The following LRCH4 variants were observed in gnomAD, a reference collection of about 807,000 sequenced individuals.
LRCH4 encodes leucine-rich repeat and calponin homology domain-containing protein 4.
LRCH4 carries 56 observed loss-of-function variants against 81.2 expected under a neutral mutation model. The observed-to-expected ratio is 0.69, with a 90% CI of 0.56 to 0.86. The LOEUF (loss-of-function observed/expected upper bound fraction) is 0.86. Among genes scored for constraint, LRCH4 ranks in the 40% least tolerant of loss-of-function variants. The probability of loss-of-function intolerance (pLI) is 0.00; values close to 1 mark genes in which losing one functional copy is unlikely to be tolerated. For missense variants in LRCH4, 895 were observed against 922.8 expected (o/e 0.97, Z 0.39); for synonymous variants, 442 against 409.7 (o/e 1.08, Z -0.95).
chr7:100,577,250 C>T lies in LRCH4; in HGVS notation c.1295+23G>A, dbSNP rs1391745046. The T allele has an allele frequency of 3.1e-6, 5 of 1,603,524 alleles. No individual in the cohort carries two copies. Among genetic ancestry groups the T allele is most frequent in the Non-Finnish European group, 4.2e-6 (5 of 1,178,772 alleles). On this transcript the variant is annotated intron_variant, in intron 11 of 17. Transcript: ENST00000310300. This position sits in a 1 kb window ranked among gnomAD's most constrained non-coding sequence, Gnocchi z 6.7. The stretch of plus-strand genomic sequence containing the variant: ...TCCAGGGCTCAGTGTCCAGCAACAG[C>T]CCCGGGCGGCCCTGGGTCCCACCTA...
intron 4 of LRCH4, among the ~76,000 whole-genome samples, chr7:100,581,255 G>A (rs962129743): frequency 6.6e-6 from 1 of 152,220 alleles, no homozygotes; most frequent in Non-Finnish European, 1.5e-5. Flanking sequence ...AGGGTTGCTA[G>A]GTCAAGATCA....
intron 1 of LRCH4, among the ~76,000 whole-genome samples, chr7:100,584,525 T>G (rs1012629285): frequency 3.4e-5 from 5 of 147,714 alleles, no homozygotes; most frequent in African/African-American, 1.3e-4. Context: ...GAATAACATT[T>G]GGTCTTTGTC....
chr7:100,574,851 GGGCAGGGCC>G lies in LRCH4; in HGVS notation c.*247_*255del, dbSNP rs1428104068. 2.2e-6 allele frequency: 1 copy of G among 453,758 alleles called. No homozygotes were observed. Among genetic ancestry groups the G allele is most frequent in the Non-Finnish European group, 4.0e-6 (1 of 252,640 alleles). The allele number at this position is 453,758 out of a possible 1,614,324, so 28.1% of individuals were successfully genotyped here. On this transcript the variant is annotated 3_prime_UTR_variant, in exon 18 of 18. Transcript: ENST00000310300. ...ACCCCTCACGGGGTACAGAGGGCAGGGGCAGGGCCGGCGGGGACATGAAGGCACCGTCAG... is the reference window on the plus strand; with the variant it reads ...ACCCCTCACGGGGTACAGAGGGCAGGGGCGGGGACATGAAGGCACCGTCAG...
At position 100,575,135 on chromosome 7, in the gene LRCH4, A is replaced by T. The variant is rs776581505; in HGVS notation, c.2024T>A (p.Val675Asp). The stretch of plus-strand genomic sequence containing the variant: ...GGAACCCAGGAGCCGAGTGTAGGTG[A>T]CATAGAGCAGCAGCATGAGGACCAC... ...FYVVLMLLLY[V>D]TYTRLLGS Residue 675 changes from valine (V) to aspartate (D), a missense_variant, in exon 18 of 18, where the codon GTC (valine) becomes GAC (aspartate). Physicochemically the swap from Val to Asp is radical, Grantham distance 152 (BLOSUM62 -3). Coordinates refer to ENST00000310300, the MANE Select transcript of LRCH4 (RefSeq NM_002319.5). The surrounding 1 kb of genome is among the most constrained non-coding windows in gnomAD (Gnocchi z 5.3). 4 of 1,612,710 alleles carry T rather than the reference A, an allele frequency of 2.5e-6. No homozygotes were observed. Among genetic ancestry groups the T allele is most frequent in the Non-Finnish European group, 3.4e-6 (4 of 1,179,292 alleles).
In LRCH4 at chr7:100,575,820, G is replaced by A. The variant is rs1393475875; in HGVS notation, c.1777-38C>T. 5 of 1,608,446 alleles carry A rather than the reference G, an allele frequency of 3.1e-6. No individual in the cohort carries two copies. Among genetic ancestry groups the A allele is most frequent in the East Asian group, 2.2e-5 (1 of 44,774 alleles). ...AAAGAAGAAAATGTGGTAAGGGAGAGGCCACAGGCGCCCCGGCCCATCCCC... is the reference window on the plus strand; with the variant it reads ...AAAGAAGAAAATGTGGTAAGGGAGAAGCCACAGGCGCCCCGGCCCATCCCC... On this transcript the variant is annotated intron_variant, in intron 16 of 17. Transcript: ENST00000310300. The surrounding 1 kb of genome is among the most constrained non-coding windows in gnomAD (Gnocchi z 5.3).
Position 100,574,634 on chromosome 7 carries a change from A to G in LRCH4, c.*473T>C, listed in dbSNP as rs112916968. The G allele has an allele frequency of 1.8e-3, 260 of 145,906 alleles. 1 individual carries two copies. The highest frequency in any genetic ancestry group is 2.4e-3 in the Non-Finnish European group (158 of 66,906). 9.0% of individuals were successfully genotyped at this position (145,906 alleles called of 1,614,324 possible). The stretch of plus-strand genomic sequence containing the variant: ...GCGGAGCAGACGCGCGCGCGCGCGC[A>G]CACACACACACACAGGCAGGGCGGC... On this transcript the variant is annotated 3_prime_UTR_variant, in exon 18 of 18. Coordinates refer to ENST00000310300, the MANE Select transcript of LRCH4 (RefSeq NM_002319.5).
chr7:100,578,576 C>T lies in LRCH4; in HGVS notation c.736-65G>A. On this transcript the variant is annotated intron_variant, in intron 5 of 17. Coordinates refer to ENST00000310300, the MANE Select transcript of LRCH4 (RefSeq NM_002319.5). The surrounding 1 kb of genome is among the most constrained non-coding windows in gnomAD (Gnocchi z 5.7). Reference sequence around the variant, plus strand: ...GGGCAGCTCCCCGGATCCTGCTCAGCTATCCAAGGGGACCAACCCCACTCC... The same window carrying T: ...GGGCAGCTCCCCGGATCCTGCTCAGTTATCCAAGGGGACCAACCCCACTCC... The T allele has an allele frequency of 6.2e-7, 1 of 1,601,120 alleles. No homozygotes were observed. Among genetic ancestry groups the T allele is most frequent in the Non-Finnish European group, 8.5e-7 (1 of 1,172,014 alleles).
intron 4 of LRCH4, 30 bp downstream of exon 4, chr7:100,581,747 A>G: frequency 6.2e-7 from 1 of 1,604,166 alleles, no homozygotes; most frequent in Admixed American, 1.7e-5. Flanking sequence ...ACATACAAAC[A>G]CCTCCTCTCC....
chr7:100,583,394 C>G lies in LRCH4; in HGVS notation c.221-935G>C, dbSNP rs1801621813. On this transcript the variant is annotated intron_variant, in intron 1 of 17. Coordinates refer to ENST00000310300, the MANE Select transcript of LRCH4 (RefSeq NM_002319.5). The surrounding 1 kb of genome is among the most constrained non-coding windows in gnomAD (Gnocchi z 4.3). ...CCCTGTAGCACGGACCCACTAACGGCTTAGACCTGGAGAAGCCTGCCTTTC... is the reference window on the plus strand; with the variant it reads ...CCCTGTAGCACGGACCCACTAACGGGTTAGACCTGGAGAAGCCTGCCTTTC... Among the ~76,000 whole-genome samples the G allele has an allele frequency of 6.6e-6, 1 of 152,172 alleles. No individual in the cohort carries two copies. The highest frequency in any genetic ancestry group is 2.1e-4 in the South Asian group (1 of 4,834).
At position 100,574,852 on chromosome 7, in the gene LRCH4, G is replaced by A. The variant is rs1801292446; in HGVS notation, c.*255C>T. 2 of 454,772 alleles carry A rather than the reference G, an allele frequency of 4.4e-6. No individual in the cohort carries two copies. The highest frequency in any genetic ancestry group is 6.8e-5 in the East Asian group (2 of 29,292). The allele number at this position is 454,772 out of a possible 1,614,324, so 28.2% of individuals were successfully genotyped here. ...CCCCTCACGGGGTACAGAGGGCAGG[G>A]GCAGGGCCGGCGGGGACATGAAGGC... On this transcript the variant is annotated 3_prime_UTR_variant, in exon 18 of 18. Coordinates refer to ENST00000310300, the MANE Select transcript of LRCH4 (RefSeq NM_002319.5).
rs1801332791 is a variant in LRCH4, at chr7:100,575,698, C to T, written c.1854+7G>A. Reference sequence around the variant, plus strand: ...TGCCACCACTCTTTAGAAAGCAGCCCCCATACCTCAGGCACCCCCATTTTT... The same window carrying T: ...TGCCACCACTCTTTAGAAAGCAGCCTCCATACCTCAGGCACCCCCATTTTT... On this transcript the variant is annotated splice_region_variant and intron_variant, in intron 17 of 17. Transcript: ENST00000310300. This position sits in a 1 kb window ranked among gnomAD's most constrained non-coding sequence, Gnocchi z 5.3. 1 of 1,614,010 alleles carries T rather than the reference C, an allele frequency of 6.2e-7. No individual in the cohort carries two copies.
intron 4 of LRCH4, 44 bp downstream of exon 4, chr7:100,581,733 A>G: frequency 6.4e-7 from 1 of 1,562,474 alleles, no homozygotes; most frequent in Non-Finnish European, 8.8e-7. Flanking sequence ...GCCAACTGGG[A>G]CGCACATACA....
chr7:100,584,289 C>A, intron 1 of LRCH4: 1 of 454,560 alleles, frequency 2.2e-6, no homozygotes, highest in Non-Finnish European at 4.4e-6. Flanking sequence ...ACAAGAGGGA[C>A]CCCACTTGGC....
rs1801631691 is a variant in LRCH4, at chr7:100,583,741, C to G, written c.221-1282G>C. 6.6e-6 allele frequency among the ~76,000 whole-genome samples: 1 copy of G among 152,198 alleles called. No individual in the cohort carries two copies. The highest frequency in any genetic ancestry group is 1.5e-5 in the Non-Finnish European group (1 of 68,032). ...ACAGAAGCCCTGGCCTCAGAGATGA[C>G]CGTTCTGGAGAGGGTGGGGGGATGG... On this transcript the variant is annotated intron_variant, in intron 1 of 17. Coordinates refer to ENST00000310300, the MANE Select transcript of LRCH4 (RefSeq NM_002319.5). The surrounding 1 kb of genome is among the most constrained non-coding windows in gnomAD (Gnocchi z 4.3).
intron 4 of LRCH4, chr7:100,580,557 A>C (rs1380616131): frequency 6.7e-6 from 1 of 150,242 alleles, no homozygotes; most frequent in African/African-American, 2.5e-5. Flanking sequence ...ACACACCCAA[A>C]CACACACAAC....
Position 100,585,762 on chromosome 7 carries a change from G to A in LRCH4, c.220+119C>T. 3.7e-6 allele frequency: 4 copies of A among 1,076,176 alleles called. No homozygotes were observed. The South Asian group carries it at 5.5e-5, about 15-fold the overall frequency. 66.7% of individuals were successfully genotyped at this position (1,076,176 alleles called of 1,614,324 possible). A position where few individuals can be genotyped will look rare whatever the true frequency, so the allele number is the denominator to read the frequency against. ...GGCTGCAGGTTTAGGGCAATCAGGAGGGGCAGCAACCCTGGCCGCCAGGTG... is the reference window on the plus strand; with the variant it reads ...GGCTGCAGGTTTAGGGCAATCAGGAAGGGCAGCAACCCTGGCCGCCAGGTG... On this transcript the variant is annotated intron_variant, in intron 1 of 17. Coordinates refer to ENST00000310300, the MANE Select transcript of LRCH4 (RefSeq NM_002319.5).
At position 100,582,005 on chromosome 7, in the gene LRCH4, C is replaced by T. The variant is rs1298724401; in HGVS notation, c.492+36G>A. The T allele has an allele frequency of 6.9e-6, 11 of 1,600,612 alleles. No individual in the cohort carries two copies. The highest frequency in any genetic ancestry group is 9.4e-6 in the Non-Finnish European group (11 of 1,173,036). On this transcript the variant is annotated intron_variant, in intron 3 of 17. Transcript: ENST00000310300. This position sits in a 1 kb window ranked among gnomAD's most constrained non-coding sequence, Gnocchi z 5.0. The stretch of plus-strand genomic sequence containing the variant: ...CCCTAGAAGGTCCCGCTGCCTGGCT[C>T]AGGGGTCCCTTTCCTGGTCCCGTCC...
chr7:100,584,400 T>C (rs943406765), intron 1 of LRCH4, among the ~76,000 whole-genome samples: 11 of 150,806 alleles, frequency 7.3e-5, no homozygotes, highest in Admixed American at 6.6e-4. Flanking sequence ...GGCTGCACCC[T>C]GAGCCGGAAT....
Position 100,578,806 on chromosome 7 carries a change from G to C in LRCH4, c.599-20C>G. 2 of 1,610,320 alleles carry C rather than the reference G, an allele frequency of 1.2e-6. No individual in the cohort carries two copies. The highest frequency in any genetic ancestry group is 1.7e-6 in the Non-Finnish European group (2 of 1,178,688). The stretch of plus-strand genomic sequence containing the variant: ...CCAGCTCTGGAACAGGTGGGCAAGG[G>C]AAAAGTCAGGAACATGCTCAGGGCT... On this transcript the variant is annotated intron_variant, in intron 4 of 17. Coordinates refer to ENST00000310300, the MANE Select transcript of LRCH4 (RefSeq NM_002319.5). The surrounding 1 kb of genome is among the most constrained non-coding windows in gnomAD (Gnocchi z 5.7).
Sources: allele counts gnomAD v4.1 joint callset (sites outside exome capture counted in the v4.1 genomes callset), GRCh38; gene constraint gnomAD v4.1.1; non-coding constraint Gnocchi (gnomAD v3.1); transcripts MANE v1.5; gene names NCBI Gene and HGNC (gene_info 2026-07-23, HGNC 2026-07-21).